TNRC18: variants seen among roughly 807,000 people sequenced by gnomAD.
The protein encoded by TNRC18 is trinucleotide repeat-containing gene 18 protein.
A neutral mutation model predicts 226.7 loss-of-function variants in TNRC18; 69 were observed. That is an observed-to-expected ratio of 0.30 (90% CI 0.25 to 0.37). TNRC18 has a LOEUF of 0.37. Among genes scored for constraint, TNRC18 ranks in the 10% least tolerant of loss-of-function variants. TNRC18 has a pLI of 1.00. For synonymous variants in TNRC18, 2,449 were observed against 1,927.6 expected, an observed-to-expected ratio of 1.27 and a Z score of -7.09; for missense variants, 4,754 against 4,256.6, an observed-to-expected ratio of 1.12 and a Z score of -3.25.
chr7:5,361,860 G>A (rs777052091), intron 13 of TNRC18, 37 bp downstream of exon 13: 1 of 1,519,878 alleles, frequency 6.6e-7, no homozygotes, highest in East Asian at 2.5e-5. Context: ...GTGGGCCGGG[G>A]CAGGGGCCCC....
intron 4 of TNRC18, 108 bp downstream of exon 4, chr7:5,390,377 A>T: frequency 8.5e-7 from 1 of 1,170,160 alleles, no homozygotes; most frequent in South Asian, 1.6e-5. Flanking sequence ...AAAAAAAAAA[A>T]AAGCCAGCAT....
chr7:5,342,132 G>C (rs1280267266), intron 18 of TNRC18, among the ~76,000 whole-genome samples: 2 of 152,130 alleles, frequency 1.3e-5, no homozygotes, highest in Non-Finnish European at 2.9e-5. Flanking sequence ...CTTCTGGAAA[G>C]AATTCACTAT....
At chr7:5,376,012 C>T (rs569857560) in intron 9 of TNRC18, 22 bp downstream of exon 9, 50 of 1,571,914 alleles carry the variant, frequency 3.2e-5, no homozygotes, top group Middle Eastern at 4.4e-4. Context: ...GAGGGAGCTG[C>T]GCCTCATCCT....
chr7:5,419,172 C>T (rs897429520), intron 2 of TNRC18, among the ~76,000 whole-genome samples: 8 of 152,274 alleles, frequency 5.3e-5, no homozygotes, highest in Non-Finnish European at 1.0e-4. Context: ...CCTCACCATC[C>T]AGCAAATGGG....
chr7:5,324,187 G>A lies in TNRC18; in HGVS notation c.6442+27C>T, dbSNP rs756799583. On this transcript the variant is annotated intron_variant, in intron 21 of 29. Coordinates refer to ENST00000430969, the MANE Select transcript of TNRC18 (RefSeq NM_001080495.3). The surrounding 1 kb of genome is among the most constrained non-coding windows in gnomAD (Gnocchi z 4.8). ...AAGGGAGGCTCCAGCAGCCCCGCCC[G>A]GCACATGTGGCATCACGGCCACTCA... 21 of 1,573,780 alleles carry A rather than the reference G, an allele frequency of 1.3e-5. No homozygotes were observed. Among genetic ancestry groups the A allele is most frequent in the Admixed American group, 3.6e-5 (2 of 55,192 alleles).
At position 5,308,319 on chromosome 7, in the gene TNRC18, GCA is replaced by G; in HGVS notation, c.8701-9_8701-8del. ...AGGACTGGTATAGCGCGCGCTGCGG[GCA>G]CGCGGGGATATCAGGATGGCAGGTG... On this transcript the variant is annotated splice_region_variant and splice_polypyrimidine_tract_variant and intron_variant, in intron 29 of 29. Transcript: ENST00000430969. 3 of 1,606,484 alleles carry G rather than the reference GCA, an allele frequency of 1.9e-6. No homozygotes were observed. The highest frequency in any genetic ancestry group is 1.7e-6 in the Non-Finnish European group (2 of 1,176,650).
chr7:5,423,077 T>TA (rs1409694807), intron 1 of TNRC18: 2 of 152,218 alleles, frequency 1.3e-5, no homozygotes, highest in Non-Finnish European at 2.9e-5. Context: ...TAAATGGAGT[T>TA]AAAATGGCTG....
In TNRC18 at chr7:5,309,418, G is replaced by A. The variant is rs1786956161; in HGVS notation, c.8389-50C>T. ...ACAGGCCCTGGCCCAGCCCCAAGGA[G>A]CCCGCCGCCTGGCAGGCTCTGCCGC... On this transcript the variant is annotated intron_variant, in intron 27 of 29. Coordinates refer to ENST00000430969, the MANE Select transcript of TNRC18 (RefSeq NM_001080495.3). This position sits in a 1 kb window ranked among gnomAD's most constrained non-coding sequence, Gnocchi z 5.7. 6.6e-7 allele frequency: 1 copy of A among 1,518,306 alleles called. No individual in the cohort carries two copies. The highest frequency in any genetic ancestry group is 8.9e-7 in the Non-Finnish European group (1 of 1,123,486). The allele number at this position is 1,518,306 out of a possible 1,614,324, so 94.1% of individuals were successfully genotyped here.
At chr7:5,362,882 CG>C in intron 11 of TNRC18, 57 bp from the exon 12 acceptor site, 1 of 1,434,412 alleles carries the variant, frequency 7.0e-7, no homozygotes, top group Non-Finnish European at 9.1e-7. Flanking sequence ...CAACCCCAAA[CG>C]GGGATGCCGA....
At chr7:5,378,586 T>C (rs1302183921) in intron 5 of TNRC18, among the ~76,000 whole-genome samples, 2 of 151,480 alleles carry the variant, frequency 1.3e-5, no homozygotes, top group African/African-American at 4.9e-5. Flanking sequence ...GCCCCGCTAG[T>C]TTTTTGTATT....
At chr7:5,420,710 C>A (rs1365854474) in intron 2 of TNRC18, 1 of 536,260 alleles carries the variant, frequency 1.9e-6, no homozygotes, top group South Asian at 1.5e-5. Context: ...TCGCGGGGTG[C>A]GGGGGCCGGT....
At chr7:5,318,328 T>C (rs1788048675) in intron 24 of TNRC18, among the ~76,000 whole-genome samples, 1 of 152,266 alleles carries the variant, frequency 6.6e-6, no homozygotes, top group African/African-American at 2.4e-5. Context: ...GGACAATTTT[T>C]TTAAATGACA....
At chr7:5,402,802 C>A (rs1044086327) in intron 2 of TNRC18, among the ~76,000 whole-genome samples, 1 of 151,788 alleles carries the variant, frequency 6.6e-6, no homozygotes, top group East Asian at 1.9e-4. Flanking sequence ...TGCAGTGAGG[C>A]GACACAGTGC....
In TNRC18 at chr7:5,376,925, G is replaced by T. The variant is rs1230871995; in HGVS notation, c.2530C>A (p.Pro844Thr). 3 of 1,602,868 alleles carry T rather than the reference G, an allele frequency of 1.9e-6. No homozygotes were observed. ...TCCCTGACAAACTGGTAGGCTGACGGGAGGGAGCCCCCCAGGCCAGGTGGG... is the reference window on the plus strand; with the variant it reads ...TCCCTGACAAACTGGTAGGCTGACGTGAGGGAGCCCCCCAGGCCAGGTGGG... ...AFPPGLGGSL[P>T]SAYQFVRDPQ... is the part of the protein sequence containing the mutation. Residue 844 changes from proline to threonine, a missense_variant, in exon 8 of 30, where the codon CCG (proline) becomes ACG (threonine). Coordinates refer to ENST00000430969, the MANE Select transcript of TNRC18 (RefSeq NM_001080495.3).
rs1031206651 is a variant in TNRC18, at chr7:5,345,671, G to A, written c.5610C>T (p.Arg1870=). 5 of 1,551,386 alleles carry A rather than the reference G, an allele frequency of 3.2e-6. No individual in the cohort carries two copies. The highest frequency in any genetic ancestry group is 2.0e-5 in the Admixed American group (1 of 51,138). ...LEESGLGLLA[R]FAASALPSPT... Reference sequence around the variant, plus strand: ...GGCTGGGGAGGGCGCTGGCGGCGAAGCGTGCCAGCAGGCCCAGCCCACTCT... The same window carrying A: ...GGCTGGGGAGGGCGCTGGCGGCGAAACGTGCCAGCAGGCCCAGCCCACTCT... Residue 1870 remains arginine (R), a synonymous_variant, in exon 18 of 30, where the codon CGC becomes CGT. Transcript: ENST00000430969.
rs1562505243 is a variant in TNRC18 at position 5,332,959 on chromosome 7, CCCAGCCCCTTCTTGGGCCGCA to C, written c.5789_5809del (p.Leu1930_Gly1937delinsArg). On this transcript the variant is annotated inframe_deletion, in exon 19 of 30. Coordinates refer to ENST00000430969, the MANE Select transcript of TNRC18 (RefSeq NM_001080495.3). ...TGCGGCCAGGGAGGGTCCCGGCTCC[CCCAGCCCCTTCTTGGGCCGCA>C]GCAGCCCCGCAGGCGACCGCTTGCG... The C allele has an allele frequency of 1.9e-6, 3 of 1,559,184 alleles. No individual in the cohort carries two copies. Among genetic ancestry groups the C allele is most frequent in the Non-Finnish European group, 2.6e-6 (3 of 1,160,190 alleles).
At position 5,312,875 on chromosome 7, in the gene TNRC18, G is replaced by T; in HGVS notation, c.8016C>A (p.Thr2672=). The T allele has an allele frequency of 6.5e-7, 1 of 1,526,748 alleles. No homozygotes were observed. Among genetic ancestry groups the T allele is most frequent in the Non-Finnish European group, 8.8e-7 (1 of 1,136,778 alleles). 94.6% of individuals were successfully genotyped at this position (1,526,748 alleles called of 1,614,324 possible). ...AGCTGCAGGAAGAGTCCTCGTCTGTGGTGGAGGAAGAAGAGGAGGAAGAGG... is the reference window on the plus strand; with the variant it reads ...AGCTGCAGGAAGAGTCCTCGTCTGTTGTGGAGGAAGAAGAGGAGGAAGAGG... ...SSSSSSSSSS[T]TDEDSSCSSD... is the part of the protein sequence containing the mutation. Residue 2672 remains threonine, a synonymous_variant, in exon 27 of 30, where the codon ACC becomes ACA. Transcript: ENST00000430969. The surrounding 1 kb of genome is among the most constrained non-coding windows in gnomAD (Gnocchi z 6.3).
chr7:5,336,112 C>T (rs1437087100), intron 18 of TNRC18, among the ~76,000 whole-genome samples: 2 of 151,660 alleles, frequency 1.3e-5, no homozygotes, highest in Non-Finnish European at 2.9e-5. Flanking sequence ...GATGCTGAGG[C>T]ACAAGAATTA....
intron 29 of TNRC18, 88 bp from the exon 30 acceptor site, chr7:5,308,400 C>T: frequency 8.1e-7 from 1 of 1,234,440 alleles, no homozygotes; most frequent in Non-Finnish European, 1.1e-6. Context: ...GAGACAGAAG[C>T]AGAGGGAGCC....
Sources: gnomAD v4.1 joint callset for allele counts (sites outside exome capture counted in the v4.1 genomes callset) on GRCh38, gnomAD v4.1.1 for gene constraint, Gnocchi (gnomAD v3.1) non-coding constraint, MANE v1.5 for transcripts, NCBI Gene and HGNC (gene_info 2026-07-23, HGNC 2026-07-21) for gene names.